Variants in TAX1BP1 observed in about 807,000 individuals in gnomAD.
The protein encoded by TAX1BP1 is Tax1 binding protein 1, also known as tax1-binding protein 1.
In TAX1BP1, 62 loss-of-function variants were observed where a neutral mutation model predicts 97.7. The ratio of observed to expected loss-of-function variants is 0.63; its 90% CI spans 0.52 to 0.78. The LOEUF is 0.78. Among genes scored for constraint, TAX1BP1 ranks in the 30% least tolerant of loss-of-function variants. The pLI is 0.00. For missense variants in TAX1BP1, 867 were observed against 916.1 expected, an observed-to-expected ratio of 0.95 and a Z score of 0.69; for synonymous variants, 340 against 304.2, an observed-to-expected ratio of 1.12 and a Z score of -1.23.
chr7:27,789,739 T>C (rs77687288), intron 8 of TAX1BP1, among the ~76,000 whole-genome samples: 1 of 152,140 alleles, frequency 6.6e-6, no homozygotes, highest in East Asian at 1.9e-4. Context: ...AATTTGCTAT[T>C]AAAAATACTC....
At chr7:27,786,762 A>G (rs1789500566) in intron 7 of TAX1BP1, among the ~76,000 whole-genome samples, 1 of 152,218 alleles carries the variant, frequency 6.6e-6, no homozygotes, top group Non-Finnish European at 1.5e-5. Context: ...AGTAAAGTGC[A>G]AGAAGTAAGT....
rs754963979 is a variant in TAX1BP1, at chr7:27,787,505, G to A, written c.940G>A (p.Val314Met). 23 of 1,613,696 alleles carry A rather than the reference G, an allele frequency of 1.4e-5. No individual in the cohort carries two copies. The highest frequency in any genetic ancestry group is 4.4e-5 in the South Asian group (4 of 91,044). ...AAATTTAGATGGGAACAAAGAAAGC[G>A]TGATTACTCATTTCAAAGAAGAGAT... is the stretch of plus-strand genomic sequence containing the variant. ...LKNLDGNKES[V>M]ITHFKEEIGR... The change falls in exon 8 of 17, where the codon GTG becomes ATG. Residue 314 changes from valine to methionine, a missense_variant. Transcript: ENST00000396319.
intron 13 of TAX1BP1, among the ~76,000 whole-genome samples, chr7:27,813,470 T>C (rs1457135165): frequency 6.6e-6 from 1 of 151,882 alleles, no homozygotes; most frequent in African/African-American, 2.4e-5. Context: ...TCCTCCCACC[T>C]CAGGTTTCTG....
chr7:27,744,474 T>C (rs774584782), intron 1 of TAX1BP1, among the ~76,000 whole-genome samples: 61 of 152,232 alleles, frequency 4.0e-4, no homozygotes, highest in Non-Finnish European at 7.9e-4. Context: ...AGAATCACCA[T>C]AATTATATTA....
chr7:27,821,634 C>CAA (rs372220008), intron 15 of TAX1BP1, among the ~76,000 whole-genome samples: 185 of 125,282 alleles, frequency 1.5e-3, no homozygotes, highest in Middle Eastern at 4.6e-3. Flanking sequence ...GACTCGGTCT[C>CAA]AAAAAAAAAA....
At chr7:27,750,281 T>C (rs1017871554) in intron 2 of TAX1BP1, among the ~76,000 whole-genome samples, 22 of 152,168 alleles carry the variant, frequency 1.4e-4, no homozygotes, top group South Asian at 1.0e-3. Context: ...AAATCTGAAA[T>C]GCTTTAAAAT....
At chr7:27,775,786 A>T (rs1356328243) in intron 5 of TAX1BP1, among the ~76,000 whole-genome samples, 1 of 152,120 alleles carries the variant, frequency 6.6e-6, no homozygotes, top group East Asian at 1.9e-4. Context: ...AGACATCTTG[A>T]GACTATCAGG....
At chr7:27,797,053 A>C (rs1198204887) in intron 12 of TAX1BP1, among the ~76,000 whole-genome samples, 3 of 150,914 alleles carry the variant, frequency 2.0e-5, no homozygotes, top group African/African-American at 7.3e-5. Context: ...GCTGGATTGC[A>C]GTGGCGTGAT....
intron 2 of TAX1BP1, among the ~76,000 whole-genome samples, chr7:27,753,124 A>T (rs2128308219): frequency 6.6e-6 from 1 of 152,234 alleles, no homozygotes; most frequent in East Asian, 1.9e-4. Flanking sequence ...AAATGGCGAA[A>T]CCCTGTCTCT....
intron 13 of TAX1BP1, among the ~76,000 whole-genome samples, chr7:27,804,732 A>G (rs543524992): frequency 5.3e-5 from 8 of 152,342 alleles, no homozygotes; most frequent in East Asian, 1.9e-4. Context: ...TCAGTGCTCA[A>G]AAAGTTTCAG....
intron 3 of TAX1BP1, among the ~76,000 whole-genome samples, chr7:27,763,251 C>CTTAT (rs1236994873): frequency 7.2e-5 from 11 of 152,066 alleles, no homozygotes; most frequent in Admixed American, 3.9e-4. Flanking sequence ...TAAATGAACC[C>CTTAT]TTATTTATTT....
Position 27,794,455 on chromosome 7 carries a change from C to A in TAX1BP1, c.1534+9C>A. ...GCCATCACCTTCTGCAGGTAAAAAT[C>A]TTTTAGACTTTTTGTGTAGGGTGTC... On this transcript the variant is annotated intron_variant, in intron 11 of 16. Coordinates refer to ENST00000396319, the MANE Select transcript of TAX1BP1 (RefSeq NM_006024.7). 6.3e-7 allele frequency: 1 copy of A among 1,597,032 alleles called. No homozygotes were observed. Among genetic ancestry groups the A allele is most frequent in the East Asian group, 2.2e-5 (1 of 44,530 alleles).
chr7:27,814,341 T>C (rs1383909346), intron 13 of TAX1BP1, among the ~76,000 whole-genome samples: 1 of 152,190 alleles, frequency 6.6e-6, no homozygotes, highest in African/African-American at 2.4e-5. Flanking sequence ...GCTTTTTACA[T>C]ATGGGCTATT....
intron 13 of TAX1BP1, among the ~76,000 whole-genome samples, chr7:27,805,621 G>A (rs762667419): frequency 6.6e-6 from 1 of 152,178 alleles, no homozygotes; most frequent in Non-Finnish European, 1.5e-5. Context: ...TGGATCACCT[G>A]AGGTCAGGAA....
Position 27,748,293 on chromosome 7 carries a change from C to A in TAX1BP1, c.-7-225C>A, listed in dbSNP as rs1400688083. On this transcript the variant is annotated intron_variant, in intron 1 of 16. Transcript: ENST00000396319. ...GTTTTGGTTTTTTAACTTTTAAATG[C>A]CCATATAACTTTCTGAGCCAAATGG... Among the ~76,000 whole-genome samples, 3 of 152,180 alleles carry A rather than the reference C, an allele frequency of 2.0e-5. No homozygotes were observed. The Middle Eastern group carries it at 0.01, about 521-fold the overall frequency.
chr7:27,749,145 T>C (rs1216563195), intron 2 of TAX1BP1, among the ~76,000 whole-genome samples: 1 of 152,232 alleles, frequency 6.6e-6, no homozygotes, highest in Non-Finnish European at 1.5e-5. Context: ...ATTACACAGT[T>C]TTAAAGTATT....
At chr7:27,766,664 T>C (rs562944995) in intron 4 of TAX1BP1, among the ~76,000 whole-genome samples, 2 of 152,254 alleles carry the variant, frequency 1.3e-5, no homozygotes, top group East Asian at 1.9e-4. Flanking sequence ...CTTATGTTCC[T>C]TTGCCTAACT....
At chr7:27,788,654 A>T (rs1282093971) in intron 8 of TAX1BP1, among the ~76,000 whole-genome samples, 2 of 151,916 alleles carry the variant, frequency 1.3e-5, no homozygotes, top group African/African-American at 4.8e-5. Flanking sequence ...ATTCTTTTTC[A>T]TACCCAAATT....
intron 1 of TAX1BP1, among the ~76,000 whole-genome samples, chr7:27,742,495 G>C (rs1787657744): frequency 6.6e-6 from 1 of 152,104 alleles, no homozygotes; most frequent in Non-Finnish European, 1.5e-5. Context: ...TTGGTGGTAA[G>C]GTCATAGATT....
Sources: allele counts gnomAD v4.1 joint callset (sites outside exome capture counted in the v4.1 genomes callset), GRCh38; gene constraint gnomAD v4.1.1; transcripts MANE v1.5; gene names NCBI Gene and HGNC (gene_info 2026-07-23, HGNC 2026-07-21).